The following CDH4 variants were observed in gnomAD, a reference collection of about 807,000 sequenced individuals.
CDH4 encodes the protein cadherin 4.
A neutral mutation model predicts 86.0 loss-of-function variants in CDH4; 33 were observed. The observed-to-expected ratio is 0.38, with a 90% CI of 0.29 to 0.51. The LOEUF (loss-of-function observed/expected upper bound fraction) is 0.51, where lower values mean the gene tolerates loss of function less well. CDH4 is among the 20% of genes least tolerant of loss of function. The pLI is 0.86. For synonymous variants in CDH4, 555 were observed against 549.4 expected (o/e 1.01, Z -0.14); for missense variants, 1,114 against 1,307.4 (o/e 0.85, Z 2.28).
chr20:61,381,915 A>T (rs944046732), intron 2 of CDH4, among the ~76,000 whole-genome samples: 5 of 140,800 alleles, frequency 3.6e-5, no homozygotes, highest in East Asian at 4.0e-4. Context: ...TCTCTACTAA[A>T]AATACAAAAG....
At chr20:61,757,623 G>A (rs971277980) in intron 3 of CDH4, among the ~76,000 whole-genome samples, 28 of 152,220 alleles carry the variant, frequency 1.8e-4, no homozygotes, top group African/African-American at 6.8e-4. Context: ...GAGAAGGGCA[G>A]ACCTCAGTGC....
intron 3 of CDH4, among the ~76,000 whole-genome samples, chr20:61,766,465 G>GC (rs1568803756): frequency 6.6e-6 from 1 of 152,054 alleles, no homozygotes; most frequent in African/African-American, 2.4e-5. Context: ...CCCCAGCTCT[G>GC]CCCCTTCTCA....
rs573634175 is a variant in CDH4, at chr20:61,844,715, G to A, written c.624G>A (p.Thr208=). ...ACATCCCCATCCGGTACAGCATCAC[G>A]GGAGTGGGCGCCGACCAGCCCCCCA... ...DNDIPIRYSI[T]GVGADQPPME... Residue 208 remains threonine (T), a synonymous_variant, in exon 5 of 16, where the codon ACG becomes ACA. Transcript: ENST00000614565. 50 of 1,613,852 alleles carry A rather than the reference G, an allele frequency of 3.1e-5. No individual in the cohort carries two copies. Among genetic ancestry groups the A allele is most frequent in the Admixed American group, 5.0e-5 (3 of 59,996 alleles).
intron 2 of CDH4, among the ~76,000 whole-genome samples, chr20:61,358,038 G>A (rs2084761802): frequency 6.6e-6 from 1 of 152,174 alleles, no homozygotes; most frequent in Non-Finnish European, 1.5e-5. Flanking sequence ...GTCTTTGGAT[G>A]TGCAGTAGTG....
intron 6 of CDH4, among the ~76,000 whole-genome samples, chr20:61,854,600 C>CACTCCCA (rs1179242007): frequency 6.8e-6 from 1 of 146,630 alleles, no homozygotes; most frequent in South Asian, 2.2e-4. Context: ...GCCCTTGGTC[C>CACTCCCA]GCCCCCAGGG....
At chr20:61,573,026 ATGGT>A (rs1326842181) in intron 2 of CDH4, among the ~76,000 whole-genome samples, 131 of 96,360 alleles carry the variant, frequency 1.4e-3, no homozygotes, top group South Asian at 4.2e-3. Context: ...GGATGGATGG[ATGGT>A]TGGATGGATG....
At chr20:61,890,285 G>A (rs998554081) in intron 7 of CDH4, among the ~76,000 whole-genome samples, 1 of 151,284 alleles carries the variant, frequency 6.6e-6, no homozygotes, top group African/African-American at 2.4e-5. Context: ...AGTAGATGGT[G>A]GATGATAGAA....
intron 13 of CDH4, among the ~76,000 whole-genome samples, chr20:61,930,516 G>T (rs1242147589): frequency 6.6e-6 from 1 of 152,112 alleles, no homozygotes; most frequent in African/African-American, 2.4e-5. Context: ...GCAGGGCGGG[G>T]AAGGGTTGGG....
intron 2 of CDH4, among the ~76,000 whole-genome samples, chr20:61,533,508 C>A (rs1600735326): frequency 6.6e-6 from 1 of 152,238 alleles, no homozygotes; most frequent in Non-Finnish European, 1.5e-5. Context: ...CAGGGCATGC[C>A]TGAGGACCGG....
At chr20:61,823,635 C>T (rs571260582) in intron 4 of CDH4, among the ~76,000 whole-genome samples, 1 of 152,258 alleles carries the variant, frequency 6.6e-6, no homozygotes, top group East Asian at 1.9e-4. Flanking sequence ...GACTTGAACC[C>T]AGAGCTCTTT....
At chr20:61,477,260 T>C (rs1406148316) in intron 2 of CDH4, among the ~76,000 whole-genome samples, 1 of 152,164 alleles carries the variant, frequency 6.6e-6, no homozygotes, top group Admixed American at 6.5e-5. Flanking sequence ...AATGGGCAAA[T>C]GCAGTGCAAG....
chr20:61,356,091 G>A (rs2084748480), intron 2 of CDH4, among the ~76,000 whole-genome samples: 2 of 152,246 alleles, frequency 1.3e-5, no homozygotes, highest in Non-Finnish European at 2.9e-5. Context: ...CGTGGAGGTA[G>A]GATGATGAGG....
At chr20:61,770,569 T>C (rs548612818) in intron 3 of CDH4, among the ~76,000 whole-genome samples, 1 of 152,356 alleles carries the variant, frequency 6.6e-6, no homozygotes, top group South Asian at 2.1e-4. Flanking sequence ...GCAGGAGTCA[T>C]GTGCACTATC....
intron 4 of CDH4, among the ~76,000 whole-genome samples, chr20:61,798,179 G>A (rs544483970): frequency 7.7e-4 from 117 of 151,132 alleles, no homozygotes; most frequent in Non-Finnish European, 1.3e-3. Flanking sequence ...CATAACCCCC[G>A]CCCCGCCCGG....
rs185209014 is a variant in CDH4 at position 61,405,013 on chromosome 20, G to A, written c.169+150076G>A. 4.4e-3 allele frequency among the ~76,000 whole-genome samples: 669 copies of A among 152,296 alleles called. 3 individuals are homozygous for A. Among genetic ancestry groups the A allele is most frequent in the Non-Finnish European group, 6.9e-3 (467 of 68,026 alleles). ...TGCAGTGAGCTGAGATCGCGCCCCC[G>A]CACTCCAGCCTGAGTACAGAGTAAG... On this transcript the variant is annotated intron_variant, in intron 2 of 15. Transcript: ENST00000614565.
rs551551350 is a variant in CDH4, at chr20:61,269,267, C to T, written c.169+14330C>T. Among the ~76,000 whole-genome samples the T allele has an allele frequency of 6.6e-6, 1 of 152,214 alleles. No homozygotes were observed. Among genetic ancestry groups the T allele is most frequent in the Non-Finnish European group, 1.5e-5 (1 of 68,000 alleles). On this transcript the variant is annotated intron_variant, in intron 2 of 15. Transcript: ENST00000614565. The surrounding 1 kb of genome is among the most constrained non-coding windows in gnomAD (Gnocchi z 5.3). The stretch of plus-strand genomic sequence containing the variant: ...TTGGCACTGCCACTACCTTAGTGGC[C>T]CTGGAGGAGCCAGGATTGATGGGGG...
chr20:61,733,623 A>G (rs1473902758), intron 2 of CDH4, among the ~76,000 whole-genome samples: 1 of 151,970 alleles, frequency 6.6e-6, no homozygotes, highest in Non-Finnish European at 1.5e-5. Context: ...TAGGGAGGAA[A>G]TGGGTACACG....
At chr20:61,884,005 C>T (rs1984419614) in intron 7 of CDH4, among the ~76,000 whole-genome samples, 1 of 152,116 alleles carries the variant, frequency 6.6e-6, no homozygotes, top group African/African-American at 2.4e-5. Context: ...GCCTCCCCTG[C>T]CCCCAACAGC....
intron 2 of CDH4, among the ~76,000 whole-genome samples, chr20:61,686,735 G>A (rs995400524): frequency 6.6e-5 from 10 of 151,430 alleles, no homozygotes; most frequent in Non-Finnish European, 8.8e-5. Context: ...GCCTTCGTGC[G>A]TGTGTGTGCA....
Sources: allele counts gnomAD v4.1 joint callset (sites outside exome capture counted in the v4.1 genomes callset), GRCh38; gene constraint gnomAD v4.1.1; non-coding constraint Gnocchi (gnomAD v3.1); transcripts MANE v1.5; gene names NCBI Gene and HGNC (gene_info 2026-07-23, HGNC 2026-07-21).